DNAJA3: variants seen among roughly 807,000 people sequenced by gnomAD.
DNAJA3 encodes the protein dnaJ homolog subfamily A member 3, mitochondrial.
A neutral mutation model predicts 54.9 loss-of-function variants in DNAJA3; 29 were observed. That is an observed-to-expected ratio of 0.53 (90% confidence interval 0.39 to 0.72). The LOEUF is 0.72. Ranked by LOEUF, DNAJA3 falls within the 30% of genes least tolerant of loss-of-function variation. DNAJA3 has a pLI of 0.00. For synonymous variants in DNAJA3, 302 were observed against 251.4 expected (o/e 1.20, Z -1.90); for missense variants, 708 against 639.4 (o/e 1.11, Z -1.16).
chr16:4,428,094 G>A (rs1033404714), intron 1 of DNAJA3, among the ~76,000 whole-genome samples: 21 of 89,244 alleles, frequency 2.4e-4, no homozygotes, highest in African/African-American at 6.5e-4. Flanking sequence ...TGGGACTACA[G>A]GCGCCCGCCA....
At chr16:4,428,397 G>T (rs2056651048) in intron 1 of DNAJA3, among the ~76,000 whole-genome samples, 1 of 152,158 alleles carries the variant, frequency 6.6e-6, no homozygotes, top group African/African-American at 2.4e-5. Flanking sequence ...GAGCAAAAGT[G>T]GCCATTTTTA....
chr16:4,437,949 T>G (rs1217406526), intron 3 of DNAJA3, among the ~76,000 whole-genome samples: 1 of 150,962 alleles, frequency 6.6e-6, no homozygotes, highest in Non-Finnish European at 1.5e-5. Flanking sequence ...GAAAAAGACC[T>G]TCTCTCAAAA....
At chr16:4,450,600 C>A in intron 10 of DNAJA3, 103 bp downstream of exon 10, 3 of 867,834 alleles carry the variant, frequency 3.5e-6, no homozygotes, top group Non-Finnish European at 3.5e-6. Flanking sequence ...TCGGGTTCTT[C>A]ATGAAGCCTT....
intron 1 of DNAJA3, among the ~76,000 whole-genome samples, chr16:4,426,484 C>T (rs772075517): frequency 6.6e-6 from 1 of 152,216 alleles, no homozygotes; most frequent in Non-Finnish European, 1.5e-5. Flanking sequence ...CTGCAAGATG[C>T]CTGCCGTCAT....
At chr16:4,429,300 C>T (rs1207080379) in intron 1 of DNAJA3, among the ~76,000 whole-genome samples, 1 of 151,906 alleles carries the variant, frequency 6.6e-6, no homozygotes, top group African/African-American at 2.4e-5. Flanking sequence ...CTCGGCTCAC[C>T]GCATCCTCCG....
At chr16:4,442,690 G>A (rs946402506) in intron 5 of DNAJA3, 6 of 521,504 alleles carry the variant, frequency 1.2e-5, no homozygotes, top group Non-Finnish European at 2.0e-5. Context: ...TCTAACAATT[G>A]CTTTGGTAAT....
intron 9 of DNAJA3, 199 bp from the exon 10 acceptor site, chr16:4,450,201 G>C (rs920905653): frequency 4.7e-5 from 25 of 526,570 alleles, no homozygotes; most frequent in Non-Finnish European, 1.7e-5. Flanking sequence ...CTTAGTGTAG[G>C]GTGTTTTAGG....
chr16:4,431,427 C>T (rs1021531289), intron 1 of DNAJA3, among the ~76,000 whole-genome samples: 1 of 152,182 alleles, frequency 6.6e-6, no homozygotes, highest in African/African-American at 2.4e-5. Context: ...GATTTATTTC[C>T]TATTTCTAAT....
chr16:4,436,264 T>G (rs1454972043), intron 2 of DNAJA3, among the ~76,000 whole-genome samples: 1 of 152,188 alleles, frequency 6.6e-6, no homozygotes, highest in Non-Finnish European at 1.5e-5. Flanking sequence ...TGTCTCTTCC[T>G]GAGCTCAAGA....
chr16:4,434,347 A>G (rs376897650), intron 1 of DNAJA3, 37 bp from the exon 2 acceptor site: 29 of 1,604,454 alleles, frequency 1.8e-5, no homozygotes, highest in Non-Finnish European at 2.5e-5. Context: ...TGTTGAGAAC[A>G]TTCCCAGAGT....
chr16:4,450,295 T>C (rs1428995575), intron 9 of DNAJA3, 105 bp from the exon 10 acceptor site: 1 of 858,908 alleles, frequency 1.2e-6, no homozygotes, highest in Non-Finnish European at 1.8e-6. Flanking sequence ...CCTGCCAAGG[T>C]TGGGTCCCTC....
intron 5 of DNAJA3, 131 bp downstream of exon 5, chr16:4,442,551 C>T (rs568848842): frequency 8.9e-7 from 1 of 1,121,440 alleles, no homozygotes; most frequent in East Asian, 2.9e-5. Flanking sequence ...GGCTGTCTTT[C>T]CCCCGTGACC....
chr16:4,454,641 G>C (rs2057014496), intron 10 of DNAJA3, among the ~76,000 whole-genome samples, 170 bp from the exon 11 acceptor site: 1 of 152,246 alleles, frequency 6.6e-6, no homozygotes, highest in African/African-American at 2.4e-5. Flanking sequence ...CGTCTGCAAG[G>C]TGAGGCATCC....
At chr16:4,442,517 T>TG in intron 5 of DNAJA3, 97 bp downstream of exon 5, 1 of 1,363,990 alleles carries the variant, frequency 7.3e-7, no homozygotes, top group Non-Finnish European at 9.7e-7. Context: ...TGCTGGGAAT[T>TG]GGGGGAGTTG....
At chr16:4,427,506 C>G (rs926902623) in intron 1 of DNAJA3, 118 of 152,270 alleles carry the variant, frequency 7.7e-4, no homozygotes, top group African/African-American at 2.7e-3. Flanking sequence ...TCCCCAGCGT[C>G]TGTGAGCGGG....
At chr16:4,434,597 G>A (rs955756314) in intron 2 of DNAJA3, 80 bp downstream of exon 2, 18 of 1,516,404 alleles carry the variant, frequency 1.2e-5, no homozygotes, top group East Asian at 2.3e-5. Flanking sequence ...TCAGTACAGC[G>A]TATGTGCCCA....
intron 3 of DNAJA3, among the ~76,000 whole-genome samples, chr16:4,439,281 A>T (rs1245622757): frequency 6.6e-6 from 1 of 151,970 alleles, no homozygotes; most frequent in African/African-American, 2.4e-5. Flanking sequence ...GAATTGCTTG[A>T]ACCCGGGAGG....
Position 4,455,688 on chromosome 16 carries a change from T to C in DNAJA3, c.*156T>C. 1 of 1,124,578 alleles carries C rather than the reference T, an allele frequency of 8.9e-7. No homozygotes were observed. Among genetic ancestry groups the C allele is most frequent in the Non-Finnish European group, 1.3e-6 (1 of 764,384 alleles). The allele number at this position is 1,124,578 out of a possible 1,614,324, so 69.7% of individuals were successfully genotyped here. A position where few individuals can be genotyped will look rare whatever the true frequency, so the allele number is the denominator to read the frequency against. On this transcript the variant is annotated 3_prime_UTR_variant, in exon 12 of 12. Transcript: ENST00000262375. ...GACGGCCTTGGCAACAGCAAAATCATGGGACAACACCTCTCTCCACGGAAA... is the reference window on the plus strand; with the variant it reads ...GACGGCCTTGGCAACAGCAAAATCACGGGACAACACCTCTCTCCACGGAAA...
At chr16:4,440,826 G>T (rs535632179) in intron 3 of DNAJA3, 1 of 153,836 alleles carries the variant, frequency 6.5e-6, no homozygotes, top group African/African-American at 2.4e-5. Context: ...AAAACAATTT[G>T]CCAGGACTGG....
Sources: gnomAD v4.1 joint callset for allele counts (sites outside exome capture counted in the v4.1 genomes callset) on GRCh38, gnomAD v4.1.1 for gene constraint, MANE v1.5 for transcripts, NCBI Gene and HGNC (gene_info 2026-07-23, HGNC 2026-07-21) for gene names.